The following ATE1 variants were observed in gnomAD, a reference collection of about 807,000 sequenced individuals.
The protein encoded by ATE1 is arginyl-tRNA--protein transferase 1.
In ATE1, 36 loss-of-function variants were observed where a neutral mutation model predicts 70.5. That is an observed-to-expected ratio of 0.51 (90% CI 0.39 to 0.67). The LOEUF (loss-of-function observed/expected upper bound fraction) is 0.67, where lower values mean the gene tolerates loss of function less well. Ranked by LOEUF, ATE1 falls within the 30% of genes least tolerant of loss-of-function variation. The pLI is 0.00. For missense variants in ATE1, 593 were observed against 629.5 expected (o/e 0.94, Z 0.62); for synonymous variants, 232 against 219.3 (o/e 1.06, Z -0.51).
intron 11 of ATE1, among the ~76,000 whole-genome samples, chr10:121,785,764 T>G (rs1946179553): frequency 6.6e-6 from 1 of 152,164 alleles, no homozygotes; most frequent in South Asian, 2.1e-4. Flanking sequence ...CTGGGTAAAC[T>G]GATAAAGCAC....
intron 11 of ATE1, among the ~76,000 whole-genome samples, chr10:121,758,704 C>T (rs1487528216): frequency 3.3e-5 from 5 of 152,008 alleles, no homozygotes; most frequent in Admixed American, 3.3e-4. Context: ...AGAATAGGTG[C>T]CATTTTTCCA....
chr10:121,887,715 A>G (rs938717887), intron 7 of ATE1, among the ~76,000 whole-genome samples: 8 of 152,106 alleles, frequency 5.3e-5, no homozygotes, highest in Non-Finnish European at 8.8e-5. Flanking sequence ...TCAAAAAACG[A>G]TAAGAAGAAA....
At chr10:121,768,681 T>C (rs1945376581) in intron 11 of ATE1, among the ~76,000 whole-genome samples, 1 of 152,196 alleles carries the variant, frequency 6.6e-6, no homozygotes, top group South Asian at 2.1e-4. Context: ...GCTTTTCTAG[T>C]GTCAATGTTT....
chr10:121,743,030 C>G lies in ATE1; in HGVS notation c.*650G>C, dbSNP rs1221666058. 6.6e-6 allele frequency: 1 copy of G among 152,068 alleles called. No homozygotes were observed. The highest frequency in any genetic ancestry group is 1.5e-5 in the Non-Finnish European group (1 of 68,008). 9.4% of individuals were successfully genotyped at this position (152,068 alleles called of 1,614,324 possible). A position where few individuals can be genotyped will look rare whatever the true frequency, so the allele number is the denominator to read the frequency against. ...TTAGAGTAAAAGGGAGTACTATATT[C>G]TAGGGGAAAAAACTATGCCAAGACA... On this transcript the variant is annotated 3_prime_UTR_variant, in exon 12 of 12. Coordinates refer to ENST00000224652, the MANE Select transcript of ATE1 (RefSeq NM_001001976.3).
At chr10:121,856,480 A>G (rs559777771) in intron 8 of ATE1, among the ~76,000 whole-genome samples, 1 of 152,336 alleles carries the variant, frequency 6.6e-6, no homozygotes, top group South Asian at 2.1e-4. Context: ...CAGTGAGCCG[A>G]GATCATGCTA....
chr10:121,756,662 T>C (rs1944814674), intron 11 of ATE1, among the ~76,000 whole-genome samples: 1 of 152,242 alleles, frequency 6.6e-6, no homozygotes, highest in African/African-American at 2.4e-5. Flanking sequence ...CTGCCAAGGC[T>C]TGGGGCTTCT....
chr10:121,823,072 C>T (rs1371234075), intron 10 of ATE1, among the ~76,000 whole-genome samples: 15 of 152,180 alleles, frequency 9.9e-5, no homozygotes, highest in African/African-American at 3.6e-4. Context: ...GGGTGGATCA[C>T]AAGGTCAGGA....
intron 11 of ATE1, among the ~76,000 whole-genome samples, chr10:121,751,578 C>CT (rs1554884479): frequency 6.6e-6 from 1 of 152,202 alleles, no homozygotes; most frequent in Non-Finnish European, 1.5e-5. Context: ...TGCTGAGCAT[C>CT]TTTTCATGTG....
chr10:121,845,144 T>G (rs933786941), intron 8 of ATE1, among the ~76,000 whole-genome samples: 2 of 152,176 alleles, frequency 1.3e-5, no homozygotes, highest in African/African-American at 4.8e-5. Flanking sequence ...ATCATGATAT[T>G]TACTTTATTG....
intron 11 of ATE1, among the ~76,000 whole-genome samples, chr10:121,786,754 T>C (rs1357126784): frequency 6.6e-6 from 1 of 152,154 alleles, no homozygotes; most frequent in Non-Finnish European, 1.5e-5. Flanking sequence ...TTCTACCTTA[T>C]CAAAAGTAAG....
At chr10:121,897,187 G>A (rs544572919) in intron 7 of ATE1, among the ~76,000 whole-genome samples, 68 of 152,272 alleles carry the variant, frequency 4.5e-4, no homozygotes, top group African/African-American at 9.4e-4. Context: ...TGCCTTTAGT[G>A]CTGCTCTAAG....
At chr10:121,859,418 G>A (rs897600645) in intron 8 of ATE1, among the ~76,000 whole-genome samples, 8 of 151,302 alleles carry the variant, frequency 5.3e-5, no homozygotes, top group African/African-American at 1.7e-4. Context: ...CACTACGCCC[G>A]GCTAATTTTT....
At chr10:121,900,691 A>C (rs1950945995) in intron 6 of ATE1, among the ~76,000 whole-genome samples, 1 of 152,260 alleles carries the variant, frequency 6.6e-6, no homozygotes, top group African/African-American at 2.4e-5. Context: ...AAACAGCTGG[A>C]AACTGGACAT....
Position 121,927,941 on chromosome 10 carries a change from G to C in ATE1, c.9C>G (p.Phe3Leu). 2 of 1,565,852 alleles carry C rather than the reference G, an allele frequency of 1.3e-6. No homozygotes were observed. Among genetic ancestry groups the C allele is most frequent in the African/African-American group, 2.8e-5 (2 of 70,814 alleles). Residue 3 changes from phenylalanine to leucine, a missense_variant, in exon 1 of 12, where the codon TTC becomes TTG. Coordinates refer to ENST00000224652, the MANE Select transcript of ATE1 (RefSeq NM_001001976.3). MAFWAGGSPSVVD... is the reference protein window; with the variant it reads MALWAGGSPSVVD... ...CGACGCTGGGCGAACCCCCCGCCCA[G>C]AAAGCCATGGCCTCGGCCCCGCGAA...
intron 11 of ATE1, among the ~76,000 whole-genome samples, chr10:121,753,149 T>C (rs766900495): frequency 6.6e-6 from 1 of 152,238 alleles, no homozygotes; most frequent in Non-Finnish European, 1.5e-5. Context: ...GCTCACTGTT[T>C]AAGTGTGTAG....
chr10:121,924,228 G>T, intron 2 of ATE1, 38 bp downstream of exon 2: 1 of 1,591,706 alleles, frequency 6.3e-7, no homozygotes, highest in Non-Finnish European at 8.6e-7. Context: ...AAGAACCTGA[G>T]TAACAGTAGG....
intron 5 of ATE1, among the ~76,000 whole-genome samples, chr10:121,903,539 C>T (rs1951069207): frequency 6.6e-6 from 1 of 151,904 alleles, no homozygotes; most frequent in Non-Finnish European, 1.5e-5. Flanking sequence ...ATACAAAAAT[C>T]AGCCAGGTGT....
At chr10:121,755,038 T>C (rs1009036276) in intron 11 of ATE1, among the ~76,000 whole-genome samples, 1 of 152,166 alleles carries the variant, frequency 6.6e-6, no homozygotes, top group Non-Finnish European at 1.5e-5. Context: ...GGATATACTA[T>C]GGTATTGTTC....
chr10:121,770,167 G>C (rs1289648107), intron 11 of ATE1, among the ~76,000 whole-genome samples: 1 of 150,118 alleles, frequency 6.7e-6, no homozygotes, highest in Non-Finnish European at 1.5e-5. Flanking sequence ...CCATGCCATG[G>C]AATACTACTT....
Sources: gnomAD v4.1 joint callset for allele counts (sites outside exome capture counted in the v4.1 genomes callset) on GRCh38, gnomAD v4.1.1 for gene constraint, MANE v1.5 for transcripts, NCBI Gene and HGNC (gene_info 2026-07-23, HGNC 2026-07-21) for gene names.